Variants in SGIP1 observed in about 807,000 individuals in gnomAD.
SGIP1 encodes SH3-containing GRB2-like protein 3-interacting protein 1.
In SGIP1, 38 loss-of-function variants were observed where a neutral mutation model predicts 107.5. The observed-to-expected ratio is 0.35, with a 90% CI of 0.27 to 0.46. SGIP1 has a LOEUF of 0.46. Ranked by LOEUF, SGIP1 falls within the 20% of genes least tolerant of loss-of-function variation. SGIP1 has a pLI of 1.00. For synonymous variants in SGIP1, 365 were observed against 366.1 expected, an observed-to-expected ratio of 1.00 and a Z score of 0.03; for missense variants, 929 against 1,019.5, an observed-to-expected ratio of 0.91 and a Z score of 1.21.
intron 15 of SGIP1, among the ~76,000 whole-genome samples, chr1:66,687,383 C>T (rs572356568): frequency 9.9e-5 from 15 of 151,600 alleles, no homozygotes; most frequent in East Asian, 1.9e-4. Flanking sequence ...TGAAAACATC[C>T]TGGGTGAAAA....
At chr1:66,621,281 T>G (rs1435715967) in intron 1 of SGIP1, among the ~76,000 whole-genome samples, 1 of 152,194 alleles carries the variant, frequency 6.6e-6, no homozygotes, top group African/African-American at 2.4e-5. Flanking sequence ...CTGACAACTT[T>G]GGCAAAACAA....
rs1439815622 is a variant in SGIP1 at position 66,750,563 on chromosome 1, A to C, written c.*7468A>C. On this transcript the variant is annotated 3_prime_UTR_variant, in exon 25 of 25. Coordinates refer to ENST00000371037, the MANE Select transcript of SGIP1 (RefSeq NM_032291.4). ...ACTAAGTACATAATTTCACAAAAAT[A>C]CCTTGGGCATAAAATACTTACAAAA... 6.6e-6 allele frequency among the ~76,000 whole-genome samples: 1 copy of C among 152,256 alleles called. No homozygotes were observed.
At position 66,677,010 on chromosome 1, in the gene SGIP1, T is replaced by A; in HGVS notation, c.653T>A (p.Leu218Ter). 6.2e-7 allele frequency: 1 copy of A among 1,607,882 alleles called. No individual in the cohort carries two copies. The highest frequency in any genetic ancestry group is 8.5e-7 in the Non-Finnish European group (1 of 1,178,592). Residue 218 changes from leucine to a stop codon, truncating the protein, a stop_gained, in exon 13 of 25, where the codon TTA becomes TAA. Coordinates refer to ENST00000371037, the MANE Select transcript of SGIP1 (RefSeq NM_032291.4). LOFTEE classifies it high-confidence loss of function. The stretch of plus-strand genomic sequence containing the variant: ...TCTTCTTTTTTGTTTCCAGTTCTTT[T>A]AGATCAGCCTGAGATATGGGGTTCA... ...AFDEQKTEVL[L>*]DQPEIWGSGQ...
chr1:66,583,941 G>A (rs2062178411), intron 1 of SGIP1, among the ~76,000 whole-genome samples: 1 of 152,128 alleles, frequency 6.6e-6, no homozygotes, highest in African/African-American at 2.4e-5. Flanking sequence ...AGTTGTACTT[G>A]GCTAAACTTG....
chr1:66,667,426 T>C, intron 8 of SGIP1, 104 bp from the exon 9 acceptor site: 2 of 1,041,174 alleles, frequency 1.9e-6, no homozygotes, highest in Non-Finnish European at 3.0e-6. Context: ...CTGGAGTGTA[T>C]GTTTGGTTAG....
At position 66,631,671 on chromosome 1, in the gene SGIP1, CTCTCTCTCTT is replaced by C. The variant is rs1228498876; in HGVS notation, c.75-1389_75-1380del. On this transcript the variant is annotated intron_variant, in intron 2 of 24. Transcript: ENST00000371037. ...TGCATTGCTCTCTCTCTCTCTTTCT[CTCTCTCTCTT>C]TCTCTCTCTCTCTCTCTCTCTCTCT... Among the ~76,000 whole-genome samples, 108 of 125,360 alleles carry C rather than the reference CTCTCTCTCTT, an allele frequency of 8.6e-4. 1 individual carries two copies. The highest frequency in any genetic ancestry group is 3.3e-3 in the African/African-American group (101 of 30,218). 82.2% of individuals were successfully genotyped at this position (125,360 alleles called of 152,430 possible).
rs188113225 is a variant in SGIP1, at chr1:66,697,453, A to G, written c.1630+1960A>G. Among the ~76,000 whole-genome samples, 105 of 152,336 alleles carry G rather than the reference A, an allele frequency of 6.9e-4. 2 individuals carry two copies. The East Asian group carries it at 0.017, about 24-fold the overall frequency. On this transcript the variant is annotated intron_variant, in intron 18 of 24. Coordinates refer to ENST00000371037, the MANE Select transcript of SGIP1 (RefSeq NM_032291.4). The stretch of plus-strand genomic sequence containing the variant: ...TAATTGGAATCTCTAGTACTGTATT[A>G]TCTTAATCTTGGACTTTGTTCAAGT...
intron 5 of SGIP1, among the ~76,000 whole-genome samples, chr1:66,640,365 C>T (rs956955674): frequency 6.6e-6 from 1 of 152,168 alleles, no homozygotes; most frequent in East Asian, 1.9e-4. Context: ...CTGGGTGTTT[C>T]AGCCCTGGTT....
At chr1:66,561,149 A>G (rs971356617) in intron 1 of SGIP1, among the ~76,000 whole-genome samples, 2 of 152,216 alleles carry the variant, frequency 1.3e-5, no homozygotes, top group Non-Finnish European at 2.9e-5. Context: ...GCATTGTCTC[A>G]TTGAAGCCTC....
At chr1:66,582,815 A>C (rs1304131589) in intron 1 of SGIP1, among the ~76,000 whole-genome samples, 2 of 151,830 alleles carry the variant, frequency 1.3e-5, no homozygotes, top group Non-Finnish European at 2.9e-5. Context: ...ACAATTTAGG[A>C]TTTTGTTAAG....
chr1:66,703,001 G>C (rs1475963897), intron 18 of SGIP1, among the ~76,000 whole-genome samples: 4 of 152,148 alleles, frequency 2.6e-5, no homozygotes, highest in African/African-American at 9.7e-5. Flanking sequence ...CAAAAAGAAG[G>C]GTTGCTATGC....
chr1:66,604,794 CCTTA>C (rs1016692051), intron 1 of SGIP1, among the ~76,000 whole-genome samples: 1 of 152,148 alleles, frequency 6.6e-6, no homozygotes, highest in African/African-American at 2.4e-5. Context: ...ACCTGTAGCC[CCTTA>C]CTTCTGACTG....
At chr1:66,625,084 A>G (rs1334480639) in intron 1 of SGIP1, among the ~76,000 whole-genome samples, 1 of 152,244 alleles carries the variant, frequency 6.6e-6, no homozygotes, top group Admixed American at 6.5e-5. Context: ...CACAGGGACT[A>G]ATAGGTGATA....
intron 20 of SGIP1, among the ~76,000 whole-genome samples, chr1:66,731,420 A>G (rs892258579): frequency 6.6e-6 from 1 of 152,210 alleles, no homozygotes; most frequent in Non-Finnish European, 1.5e-5. Context: ...GCATATGTGC[A>G]AAAGTTGTAT....
intron 1 of SGIP1, among the ~76,000 whole-genome samples, chr1:66,558,812 CCTT>C (rs1314354163): frequency 2.0e-5 from 3 of 148,262 alleles, no homozygotes; most frequent in Non-Finnish European, 4.5e-5. Context: ...AAAAAAAAAA[CCTT>C]CTACAGCATC....
rs1218093405 is a variant in SGIP1, at chr1:66,743,465, A to G, written c.*370A>G. 2.5e-5 allele frequency: 4 copies of G among 161,152 alleles called. No individual in the cohort carries two copies. Among genetic ancestry groups the G allele is most frequent in the Non-Finnish European group, 4.1e-5 (3 of 73,218 alleles). 10.0% of individuals were successfully genotyped at this position (161,152 alleles called of 1,614,324 possible). A position where few individuals can be genotyped will look rare whatever the true frequency, so the allele number is the denominator to read the frequency against. On this transcript the variant is annotated 3_prime_UTR_variant, in exon 25 of 25. Transcript: ENST00000371037. ...TATTGTTGAATGGCACAATGCTTAC[A>G]GAGGTAGATTGCATTTTGTCAATAT...
intron 2 of SGIP1, among the ~76,000 whole-genome samples, chr1:66,631,910 G>A (rs78275078): frequency 0.017 from 2,576 of 152,192 alleles, 68 homozygotes; most frequent in African/African-American, 0.056. Context: ...GTATGTTTTA[G>A]CCTCTTAAAA....
intron 12 of SGIP1, among the ~76,000 whole-genome samples, chr1:66,675,850 T>C (rs2085198111): frequency 6.6e-6 from 1 of 152,096 alleles, no homozygotes; most frequent in African/African-American, 2.4e-5. Flanking sequence ...GATCTTTCTA[T>C]CACTAGTTGA....
chr1:66,660,398 C>T (rs2081230635), intron 7 of SGIP1, 115 bp from the exon 8 acceptor site: 1 of 952,486 alleles, frequency 1.0e-6, no homozygotes, highest in Non-Finnish European at 1.7e-6. Context: ...AAAGCAGTGC[C>T]TTCGAGAGCT....
Sources: allele counts gnomAD v4.1 joint callset (sites outside exome capture counted in the v4.1 genomes callset), GRCh38; gene constraint gnomAD v4.1.1; transcripts MANE v1.5; gene names NCBI Gene and HGNC (gene_info 2026-07-23, HGNC 2026-07-21).